Variants in ELAVL2 observed in about 807,000 individuals in gnomAD.
The protein encoded by ELAVL2 is ELAV-like protein 2.
In ELAVL2, 4 loss-of-function variants were observed where a neutral mutation model predicts 34.6. That is an observed-to-expected ratio of 0.12 (90% CI 0.06 to 0.26). ELAVL2 has a LOEUF of 0.26. Among genes scored for constraint, ELAVL2 ranks in the 10% least tolerant of loss-of-function variants. The pLI is 1.00. For synonymous variants in ELAVL2, 193 were observed against 154.8 expected, an observed-to-expected ratio of 1.25 and a Z score of -1.83; for missense variants, 432 against 442.8, an observed-to-expected ratio of 0.98 and a Z score of 0.22.
chr9:23,817,706 G>C (rs903183221), intron 1 of ELAVL2, among the ~76,000 whole-genome samples: 5 of 152,080 alleles, frequency 3.3e-5, no homozygotes, highest in Non-Finnish European at 5.9e-5. Flanking sequence ...AATTCTTCTA[G>C]CCTTACTAAA....
intron 2 of ELAVL2, among the ~76,000 whole-genome samples, chr9:23,752,641 G>T (rs1170372084): frequency 2.0e-5 from 3 of 152,064 alleles, no homozygotes; most frequent in Non-Finnish European, 4.4e-5. Flanking sequence ...TTTTAGTAGA[G>T]ACGGGGTTTC....
At chr9:23,775,612 T>C (rs1028915826) in intron 1 of ELAVL2, among the ~76,000 whole-genome samples, 1 of 152,110 alleles carries the variant, frequency 6.6e-6, no homozygotes, top group Non-Finnish European at 1.5e-5. Context: ...ACTCCACTAC[T>C]ATCTCTTTTA....
intron 1 of ELAVL2, among the ~76,000 whole-genome samples, chr9:23,803,502 GGT>G (rs762833032): frequency 3.9e-5 from 6 of 152,038 alleles, no homozygotes; most frequent in Non-Finnish European, 8.8e-5. Flanking sequence ...TCAAAGCCCT[GGT>G]GCGTTCCTCC....
At chr9:23,723,367 A>C (rs1396543361) in intron 3 of ELAVL2, among the ~76,000 whole-genome samples, 2 of 152,086 alleles carry the variant, frequency 1.3e-5, no homozygotes, top group African/African-American at 2.4e-5. Flanking sequence ...TGGGAACTGA[A>C]CAATGAGAAC....
intron 1 of ELAVL2, among the ~76,000 whole-genome samples, chr9:23,803,256 A>G (rs767069998): frequency 6.6e-6 from 1 of 152,246 alleles, no homozygotes; most frequent in Non-Finnish European, 1.5e-5. Flanking sequence ...ATTTTTACAT[A>G]AACATTGTCG....
intron 4 of ELAVL2, among the ~76,000 whole-genome samples, chr9:23,704,369 T>C (rs1033783244): frequency 6.6e-6 from 1 of 152,228 alleles, no homozygotes; most frequent in Non-Finnish European, 1.5e-5. Flanking sequence ...ATGAACATTT[T>C]AGTCTTCCCA....
chr9:23,820,186 C>G (rs1368164512), intron 1 of ELAVL2, among the ~76,000 whole-genome samples: 1 of 152,150 alleles, frequency 6.6e-6, no homozygotes, highest in Non-Finnish European at 1.5e-5. Flanking sequence ...AACAATATTT[C>G]AAACAAACAG....
At chr9:23,780,484 T>C (rs1311440845) in intron 1 of ELAVL2, among the ~76,000 whole-genome samples, 1 of 152,208 alleles carries the variant, frequency 6.6e-6, no homozygotes, top group Non-Finnish European at 1.5e-5. Context: ...TATGAGTCTT[T>C]TTATAATTAT....
intron 3 of ELAVL2, among the ~76,000 whole-genome samples, chr9:23,707,579 A>C (rs1319598568): frequency 6.6e-6 from 1 of 152,210 alleles, no homozygotes; most frequent in Non-Finnish European, 1.5e-5. Flanking sequence ...CATGAGATCA[A>C]GTGTCACAGG....
the ELAVL2 span, among the ~76,000 whole-genome samples, chr9:23,831,890 A>T: frequency 1.3e-5 from 2 of 152,160 alleles, no homozygotes; most frequent in African/African-American, 2.4e-5. Context: ...GGAAGCTGTG[A>T]GGAGAAGTGG....
At chr9:23,759,533 A>T (rs2054365412) in intron 2 of ELAVL2, among the ~76,000 whole-genome samples, 1 of 151,588 alleles carries the variant, frequency 6.6e-6, no homozygotes, top group South Asian at 2.1e-4. Context: ...TATACTTCCA[A>T]ATAGCTAGAA....
intron 2 of ELAVL2, among the ~76,000 whole-genome samples, chr9:23,734,275 C>T (rs938302783): frequency 6.6e-6 from 1 of 152,070 alleles, no homozygotes; most frequent in African/African-American, 2.4e-5. Context: ...CAGATGATAC[C>T]AAGATAGGCA....
At chr9:23,758,163 G>A (rs548111233) in intron 2 of ELAVL2, among the ~76,000 whole-genome samples, 1 of 152,038 alleles carries the variant, frequency 6.6e-6, no homozygotes, top group Non-Finnish European at 1.5e-5. Context: ...ACTCTGGTCT[G>A]TCCCTAAAAT....
chr9:23,845,024 G>A, the ELAVL2 span, among the ~76,000 whole-genome samples: 2 of 151,598 alleles, frequency 1.3e-5, no homozygotes, highest in Non-Finnish European at 3.0e-5. Flanking sequence ...TGATCATTTT[G>A]TACAGTTATG....
chr9:23,734,932 C>T (rs191472283), intron 2 of ELAVL2, among the ~76,000 whole-genome samples: 64 of 151,836 alleles, frequency 4.2e-4, no homozygotes, highest in African/African-American at 1.4e-3. Flanking sequence ...TCATCCAAAC[C>T]TATTTTTCAA....
intron 1 of ELAVL2, among the ~76,000 whole-genome samples, chr9:23,814,076 A>C: frequency 6.6e-6 from 1 of 152,270 alleles, no homozygotes; most frequent in East Asian, 1.9e-4. Context: ...ATCTTTATAT[A>C]TTACCAAACC....
chr9:23,809,609 A>T (rs1267184196), intron 1 of ELAVL2, among the ~76,000 whole-genome samples: 1 of 152,164 alleles, frequency 6.6e-6, no homozygotes, highest in Non-Finnish European at 1.5e-5. Context: ...ATTGATTATC[A>T]GTCTCATGTA....
intron 1 of ELAVL2, among the ~76,000 whole-genome samples, chr9:23,768,040 TA>T: frequency 6.6e-6 from 1 of 152,202 alleles, no homozygotes. Context: ...ACCAGCAAAT[TA>T]AAGCCTCCAA....
At chr9:23,733,307 C>T (rs538992359) in intron 2 of ELAVL2, among the ~76,000 whole-genome samples, 3 of 152,128 alleles carry the variant, frequency 2.0e-5, no homozygotes, top group South Asian at 4.1e-4. Flanking sequence ...GATCTCACTA[C>T]ATTGGCTGGG....
Sources: gnomAD v4.1 joint callset for allele counts (sites outside exome capture counted in the v4.1 genomes callset) on GRCh38, gnomAD v4.1.1 for gene constraint, MANE v1.5 for transcripts, NCBI Gene and HGNC (gene_info 2026-07-23, HGNC 2026-07-21) for gene names.